Variants in SETBP1 observed in about 807,000 individuals in gnomAD.
SETBP1 encodes the protein SET binding protein 1, also known as SET-binding protein.
Under a neutral mutation model 101.0 loss-of-function variants are expected in SETBP1, and 9 were observed. The observed-to-expected ratio is 0.09, with a 90% CI of 0.05 to 0.16. The LOEUF is 0.16. Among genes scored for constraint, SETBP1 ranks in the 10% least tolerant of loss-of-function variants. The pLI, the probability that SETBP1 is intolerant of heterozygous loss-of-function variation, is 1.00. For missense variants in SETBP1, 1,858 were observed against 2,033.8 expected, an observed-to-expected ratio of 0.91 and a Z score of 1.66; for synonymous variants, 818 against 788.5, an observed-to-expected ratio of 1.04 and a Z score of -0.63.
At chr18:44,788,790 A>ATTTTTTT (rs34929410) in intron 2 of SETBP1, among the ~76,000 whole-genome samples, 6 of 80,412 alleles carry the variant, frequency 7.5e-5, no homozygotes, top group Admixed American at 3.5e-4. Context: ...TTCCTTTTTA[A>ATTTTTTT]TTTTTTTTTT....
intron 2 of SETBP1, among the ~76,000 whole-genome samples, chr18:44,776,019 G>A (rs554624990): frequency 3.3e-5 from 5 of 152,140 alleles, no homozygotes; most frequent in South Asian, 2.1e-4. Context: ...CCGTTTTAAC[G>A]TAGTTGTAAT....
intron 2 of SETBP1, among the ~76,000 whole-genome samples, chr18:44,818,578 C>G (rs1036342685): frequency 2.0e-5 from 3 of 152,126 alleles, no homozygotes; most frequent in Admixed American, 2.0e-4. Flanking sequence ...CATCCCCCAT[C>G]CATATTAACT....
intron 1 of SETBP1, among the ~76,000 whole-genome samples, chr18:44,682,249 T>C (rs1469508828): frequency 6.6e-6 from 1 of 152,124 alleles, no homozygotes; most frequent in Non-Finnish European, 1.5e-5. Context: ...CATGTGTGTG[T>C]CGTGGGAGAA....
chr18:44,888,121 C>A (rs2069690291), intron 3 of SETBP1, among the ~76,000 whole-genome samples: 1 of 152,108 alleles, frequency 6.6e-6, no homozygotes, highest in Non-Finnish European at 1.5e-5. Context: ...TTTCAGGGTG[C>A]TGGTCCTGGT....
chr18:45,023,082 C>A (rs555088918), intron 4 of SETBP1, among the ~76,000 whole-genome samples: 1 of 152,266 alleles, frequency 6.6e-6, no homozygotes, highest in East Asian at 1.9e-4. Context: ...ATCCTCTTAA[C>A]TGTTTTGAAA....
intron 2 of SETBP1, among the ~76,000 whole-genome samples, chr18:44,778,056 G>A (rs1231262616): frequency 2.6e-5 from 4 of 152,118 alleles, no homozygotes; most frequent in South Asian, 4.1e-4. Context: ...ATGGGCTGGC[G>A]TGTTCTCTAA....
rs375042925 is a variant in SETBP1 at position 45,003,825 on chromosome 18, G to A, written c.4001-34660G>A. Among the ~76,000 whole-genome samples the A allele has an allele frequency of 1.2e-4, 19 of 152,268 alleles. 1 individual carries two copies. Among genetic ancestry groups the A allele is most frequent in the African/African-American group, 4.6e-4 (19 of 41,552 alleles). On this transcript the variant is annotated intron_variant, in intron 4 of 5. Transcript: ENST00000649279. ...GTGGTGACTCTCTTTTAAATTCCAGGAAGGGTGACATTTCTTATCACTGTG... is the reference window on the plus strand; with the variant it reads ...GTGGTGACTCTCTTTTAAATTCCAGAAAGGGTGACATTTCTTATCACTGTG...
At chr18:44,962,517 C>T (rs1382527834) in intron 4 of SETBP1, among the ~76,000 whole-genome samples, 3 of 152,058 alleles carry the variant, frequency 2.0e-5, no homozygotes, top group Non-Finnish European at 4.4e-5. Context: ...CCTCAATGAC[C>T]TTATACAGCC....
chr18:44,969,076 C>T (rs1238474470), intron 4 of SETBP1, among the ~76,000 whole-genome samples: 1 of 152,148 alleles, frequency 6.6e-6, no homozygotes, highest in Non-Finnish European at 1.5e-5. Context: ...AAATACCAAC[C>T]ACCAAAATTC....
chr18:44,951,212 G>A lies in SETBP1; in HGVS notation c.1872G>A (p.Lys624=), dbSNP rs918280953. 14 of 1,613,980 alleles carry A rather than the reference G, an allele frequency of 8.7e-6. No individual in the cohort carries two copies. In the South Asian group the frequency reaches 1.3e-4, roughly 15 times the overall value. The change falls in exon 4 of 6, where the codon AAG becomes AAA. Residue 624 remains lysine (K), a synonymous_variant. Transcript: ENST00000649279. The surrounding 1 kb of genome is among the most constrained non-coding windows in gnomAD (Gnocchi z 7.8). ...SREFPGTKKR[K]RRRNLAKLAQ... ...AGTTTCCTGGCACTAAGAAAAGAAA[G>A]CGACGACGCAATTTAGCGAAGTTGG...
chr18:45,054,495 T>C (rs1387749449), intron 5 of SETBP1, among the ~76,000 whole-genome samples: 1 of 152,124 alleles, frequency 6.6e-6, no homozygotes, highest in Non-Finnish European at 1.5e-5. Context: ...TGACTATTTA[T>C]AAGTGGCTGA....
At chr18:44,806,673 T>A (rs9952342) in intron 2 of SETBP1, among the ~76,000 whole-genome samples, 1 of 106,976 alleles carries the variant, frequency 9.3e-6, no homozygotes, top group Non-Finnish European at 2.0e-5. Context: ...TTGGCAATGG[T>A]GCTTTTTCTT....
intron 3 of SETBP1, among the ~76,000 whole-genome samples, chr18:44,915,566 G>A (rs1342344024): frequency 1.3e-5 from 2 of 152,194 alleles, no homozygotes; most frequent in Non-Finnish European, 2.9e-5. Flanking sequence ...ACTCAAATGT[G>A]CAGTATTGAC....
chr18:45,015,295 T>C (rs1459133285), intron 4 of SETBP1, among the ~76,000 whole-genome samples: 1 of 152,168 alleles, frequency 6.6e-6, no homozygotes, highest in Non-Finnish European at 1.5e-5. Flanking sequence ...CCAGGTGAGG[T>C]GTGTCAGGCC....
At chr18:44,897,937 A>G (rs2069945995) in intron 3 of SETBP1, among the ~76,000 whole-genome samples, 1 of 152,204 alleles carries the variant, frequency 6.6e-6, no homozygotes, top group African/African-American at 2.4e-5. Flanking sequence ...TGAGACTTCC[A>G]GTATATGAGA....
intron 3 of SETBP1, among the ~76,000 whole-genome samples, chr18:44,914,593 A>C (rs1372058943): frequency 6.6e-6 from 1 of 152,198 alleles, no homozygotes; most frequent in African/African-American, 2.4e-5. Flanking sequence ...GAGACATTTC[A>C]TGCAATAGTC....
intron 3 of SETBP1, among the ~76,000 whole-genome samples, chr18:44,904,414 G>C (rs1179763971): frequency 6.6e-6 from 1 of 152,110 alleles, no homozygotes; most frequent in Non-Finnish European, 1.5e-5. Context: ...GCCTGCTCTT[G>C]TAAGTATAAT....
chr18:44,765,194 G>C (rs2070740030), intron 2 of SETBP1, among the ~76,000 whole-genome samples: 1 of 152,002 alleles, frequency 6.6e-6, no homozygotes, highest in South Asian at 2.1e-4. Flanking sequence ...AATGGGTGCT[G>C]ATATCTTGCC....
At chr18:44,820,792 C>T (rs2072096171) in intron 2 of SETBP1, among the ~76,000 whole-genome samples, 1 of 152,168 alleles carries the variant, frequency 6.6e-6, no homozygotes, top group Admixed American at 6.5e-5. Flanking sequence ...GGAAATTGCT[C>T]AGTTAACACT....
Sources: gnomAD v4.1 joint callset for allele counts (sites outside exome capture counted in the v4.1 genomes callset) on GRCh38, gnomAD v4.1.1 for gene constraint, Gnocchi (gnomAD v3.1) non-coding constraint, MANE v1.5 for transcripts, NCBI Gene and HGNC (gene_info 2026-07-23, HGNC 2026-07-21) for gene names.